The following MAP7 variants were observed in gnomAD, a reference collection of about 807,000 sequenced individuals.
The protein encoded by MAP7 is microtubule associated protein 7.
In MAP7, 52 loss-of-function variants were observed where a neutral mutation model predicts 94.8. That is an observed-to-expected ratio of 0.55 (90% CI 0.44 to 0.69). MAP7 has a LOEUF of 0.69. Among genes scored for constraint, MAP7 ranks in the 30% least tolerant of loss-of-function variants. The pLI is 0.00. For synonymous variants in MAP7, 350 were observed against 357.0 expected, an observed-to-expected ratio of 0.98 and a Z score of 0.22; for missense variants, 940 against 964.6, an observed-to-expected ratio of 0.97 and a Z score of 0.34.
chr6:136,460,102 C>G (rs1198624051), intron 1 of MAP7, among the ~76,000 whole-genome samples: 1 of 152,076 alleles, frequency 6.6e-6, no homozygotes, highest in African/African-American at 2.4e-5. Context: ...TGGAACAAGT[C>G]TTATACCTAA....
chr6:136,531,929 G>A (rs985968039), intron 1 of MAP7, among the ~76,000 whole-genome samples: 1 of 152,084 alleles, frequency 6.6e-6, no homozygotes. Flanking sequence ...CTAAGAGATG[G>A]ATAGACTCAG....
At chr6:136,403,081 T>G (rs957900158) in intron 3 of MAP7, among the ~76,000 whole-genome samples, 3 of 152,140 alleles carry the variant, frequency 2.0e-5, no homozygotes, top group African/African-American at 7.2e-5. Flanking sequence ...TAACCCTAAG[T>G]ACTTTCACTC....
intron 5 of MAP7, among the ~76,000 whole-genome samples, chr6:136,388,104 C>G (rs1161207026): frequency 6.6e-6 from 1 of 152,138 alleles, no homozygotes; most frequent in Non-Finnish European, 1.5e-5. Context: ...AAATAGAAGA[C>G]TAAAATAATG....
At chr6:136,514,224 G>A (rs542379634) in intron 1 of MAP7, among the ~76,000 whole-genome samples, 63 of 152,310 alleles carry the variant, frequency 4.1e-4, no homozygotes, top group African/African-American at 1.5e-3. Context: ...AGACTTGAAA[G>A]TCAAAATTAT....
chr6:136,388,331 A>T, intron 5 of MAP7, 62 bp downstream of exon 5: 1 of 1,222,108 alleles, frequency 8.2e-7, no homozygotes, highest in Non-Finnish European at 1.2e-6. Context: ...TAGAAGAAAG[A>T]AGGAAACACC....
chr6:136,447,774 G>T (rs760435913), intron 1 of MAP7, among the ~76,000 whole-genome samples: 1 of 151,960 alleles, frequency 6.6e-6, no homozygotes. Flanking sequence ...CTTTTCTTAA[G>T]CAATGACTTT....
At chr6:136,383,002 A>T (rs1778218635) in intron 6 of MAP7, among the ~76,000 whole-genome samples, 1 of 152,206 alleles carries the variant, frequency 6.6e-6, no homozygotes, top group South Asian at 2.1e-4. Flanking sequence ...CTTTATAAAT[A>T]ACTCAACATT....
chr6:136,481,509 G>C (rs1309911135), intron 1 of MAP7, among the ~76,000 whole-genome samples: 6 of 152,072 alleles, frequency 3.9e-5, no homozygotes, highest in Admixed American at 3.9e-4. Flanking sequence ...ATAAGCGAGG[G>C]ACAAAAAGAC....
At chr6:136,394,933 T>C (rs1266361367) in intron 3 of MAP7, among the ~76,000 whole-genome samples, 3 of 76,674 alleles carry the variant, frequency 3.9e-5, no homozygotes, top group African/African-American at 6.3e-5. Flanking sequence ...TATTCCATCA[T>C]ATATATATAT....
chr6:136,361,039 C>G lies in MAP7; in HGVS notation c.1667G>C (p.Arg556Pro), dbSNP rs34607647. The G allele has an allele frequency of 6.3e-7, 1 of 1,582,234 alleles. No homozygotes were observed. The change falls in exon 12 of 18, where the codon CGC becomes CCC. Residue 556 changes from arginine (R) to proline (P), a missense_variant. Arg to Pro is a moderately radical substitution (Grantham distance 103). Transcript: ENST00000354570. ...LQRQAEERAL[R>P]EREEAERAQR... is the part of the protein sequence containing the mutation. The stretch of plus-strand genomic sequence containing the variant: ...GGCGCGCTCTGCCTCCTCCCGCTCG[C>G]GCAGCGCCCGCTCCTCCGCCTGCCG...
At chr6:136,530,014 G>A (rs372568793) in intron 1 of MAP7, among the ~76,000 whole-genome samples, 7 of 152,126 alleles carry the variant, frequency 4.6e-5, no homozygotes, top group African/African-American at 7.2e-5. Flanking sequence ...ATACACATAC[G>A]CACACATAGA....
chr6:136,404,808 A>G (rs1785118970), intron 3 of MAP7, among the ~76,000 whole-genome samples: 1 of 152,228 alleles, frequency 6.6e-6, no homozygotes, highest in Non-Finnish European at 1.5e-5. Context: ...TGTCTGCTCA[A>G]GCGTAGAGTA....
At chr6:136,525,387 T>G (rs752300015) in intron 1 of MAP7, among the ~76,000 whole-genome samples, 6 of 152,174 alleles carry the variant, frequency 3.9e-5, no homozygotes, top group Non-Finnish European at 8.8e-5. Flanking sequence ...TAGAAAAGGT[T>G]GCACTCTTGA....
intron 1 of MAP7, among the ~76,000 whole-genome samples, chr6:136,492,291 T>C (rs572602145): frequency 6.6e-6 from 1 of 152,334 alleles, no homozygotes; most frequent in South Asian, 2.1e-4. Flanking sequence ...GATTCAGTAA[T>C]ATGAACACAG....
Position 136,344,018 on chromosome 6 carries a change from T to C in MAP7, c.*210A>G, listed in dbSNP as rs1256715105. The C allele has an allele frequency of 3.1e-6, 1 of 326,156 alleles. No homozygotes were observed. Among genetic ancestry groups the C allele is most frequent in the East Asian group, 4.4e-5 (1 of 22,976 alleles). The allele number at this position is 326,156 out of a possible 1,614,324, so 20.2% of individuals were successfully genotyped here. A position where few individuals can be genotyped will look rare whatever the true frequency, so the allele number is the denominator to read the frequency against. ...AAAGCCATTTTAAAGTATTGAAGAA[T>C]GAGACGTATTTCTTTTTTCCTATTG... On this transcript the variant is annotated 3_prime_UTR_variant, in exon 18 of 18. Transcript: ENST00000354570.
At chr6:136,543,194 CG>C (rs1829462988) in intron 1 of MAP7, among the ~76,000 whole-genome samples, 1 of 152,164 alleles carries the variant, frequency 6.6e-6, no homozygotes, top group African/African-American at 2.4e-5. Context: ...TGCCAAAACC[CG>C]GGAACAACTC....
intron 6 of MAP7, among the ~76,000 whole-genome samples, chr6:136,379,027 A>G (rs1777002741): frequency 6.6e-6 from 1 of 152,170 alleles, no homozygotes; most frequent in Non-Finnish European, 1.5e-5. Context: ...GACTGGATTA[A>G]AAGTCTTTAA....
At chr6:136,492,607 G>A (rs1816956086) in intron 1 of MAP7, among the ~76,000 whole-genome samples, 1 of 152,160 alleles carries the variant, frequency 6.6e-6, no homozygotes, top group African/African-American at 2.4e-5. Context: ...TCTGATTGCT[G>A]AGCTGCATCA....
chr6:136,512,707 G>A (rs145677663), intron 1 of MAP7, among the ~76,000 whole-genome samples: 658 of 152,294 alleles, frequency 4.3e-3, no homozygotes, highest in Non-Finnish European at 6.8e-3. Context: ...TAAAAAATGC[G>A]AAGAATCATT....
Sources: allele counts gnomAD v4.1 joint callset (sites outside exome capture counted in the v4.1 genomes callset), GRCh38; gene constraint gnomAD v4.1.1; transcripts MANE v1.5; gene names NCBI Gene and HGNC (gene_info 2026-07-23, HGNC 2026-07-21).